MMP24: variants seen among roughly 807,000 people sequenced by gnomAD.
MMP24 encodes the protein matrix metallopeptidase 24.
Under a neutral mutation model 62.8 loss-of-function variants are expected in MMP24, and 25 were observed. The ratio of observed to expected loss-of-function variants is 0.40; its 90% CI spans 0.29 to 0.56. The LOEUF (loss-of-function observed/expected upper bound fraction) is 0.56. MMP24 is among the 20% of genes least tolerant of loss of function. The pLI is 0.50. For synonymous variants in MMP24, 319 were observed against 350.5 expected (o/e 0.91, Z 1.00); for missense variants, 634 against 853.6 (o/e 0.74, Z 3.21).
chr20:35,273,932 G>A (rs984986678), intron 8 of MMP24, among the ~76,000 whole-genome samples: 11 of 152,158 alleles, frequency 7.2e-5, no homozygotes, highest in Admixed American at 1.3e-4. Context: ...CCACATGAGC[G>A]GGGCAAGGGG....
Position 35,252,031 on chromosome 20 carries a change from C to T in MMP24, c.512+10C>T, listed in dbSNP as rs1399359422. Reference sequence around the variant, plus strand: ...AACACATCACCTACAGGTGCTTCGACTCTCCCTCTTCCTCCCTGCCTTTGG... The same window carrying T: ...AACACATCACCTACAGGTGCTTCGATTCTCCCTCTTCCTCCCTGCCTTTGG... On this transcript the variant is annotated intron_variant, in intron 3 of 8. Coordinates refer to ENST00000246186, the MANE Select transcript of MMP24 (RefSeq NM_006690.4). 6.3e-7 allele frequency: 1 copy of T among 1,595,824 alleles called. No homozygotes were observed. The highest frequency in any genetic ancestry group is 1.7e-5 in the Admixed American group (1 of 60,016).
chr20:35,254,403 T>C lies in MMP24; in HGVS notation c.513-47T>C, dbSNP rs747511020. 6 of 1,524,744 alleles carry C rather than the reference T, an allele frequency of 3.9e-6. No individual in the cohort carries two copies. The South Asian group carries it at 6.0e-5, about 15-fold the overall frequency. 94.5% of individuals were successfully genotyped at this position (1,524,744 alleles called of 1,614,324 possible). A position where few individuals can be genotyped will look rare whatever the true frequency, so the allele number is the denominator to read the frequency against. On this transcript the variant is annotated intron_variant, in intron 3 of 8. Coordinates refer to ENST00000246186, the MANE Select transcript of MMP24 (RefSeq NM_006690.4). ...CAGGTATCTATTTTAGCTCTGCTAG[T>C]CTCTGACTCTCTGATCTTGCCTAAT...
At position 35,263,937 on chromosome 20, in the gene MMP24, A is replaced by T; in HGVS notation, c.964A>T (p.Ile322Phe). Reference sequence around the variant, plus strand: ...GCTGCCCCAGGACGATCTCCAGGGCATCCAGAAGATCTATGGTGTGTGGCA... The same window carrying T: ...GCTGCCCCAGGACGATCTCCAGGGCTTCCAGAAGATCTATGGTGTGTGGCA... ...FKLPQDDLQG[I>F]QKIYGPPAEP... The change falls in exon 5 of 9, where the codon ATC becomes TTC. Residue 322 changes from isoleucine to phenylalanine, a missense_variant. This residue lies in a region of MMP24 where 399 missense variants were observed against 530.8 expected (regional missense o/e 0.75). Coordinates refer to ENST00000246186, the MANE Select transcript of MMP24 (RefSeq NM_006690.4). 1 of 1,609,224 alleles carries T rather than the reference A, an allele frequency of 6.2e-7. No individual in the cohort carries two copies. Among genetic ancestry groups the T allele is most frequent in the Non-Finnish European group, 8.5e-7 (1 of 1,177,430 alleles).
chr20:35,233,386 G>A (rs547050296), intron 1 of MMP24, among the ~76,000 whole-genome samples: 1 of 152,236 alleles, frequency 6.6e-6, no homozygotes, highest in Middle Eastern at 3.4e-3. Flanking sequence ...TCCAGCCAAA[G>A]CAAGACTCTG....
At position 35,274,238 on chromosome 20, in the gene MMP24, C is replaced by G. The variant is rs770754047; in HGVS notation, c.1601-34C>G. ...GCCCCAGAGCAGGTGCCGGAAGTGT[C>G]TGGGAGTGGTGATGCTGGGCTGTAT... On this transcript the variant is annotated intron_variant, in intron 8 of 8. Transcript: ENST00000246186. The surrounding 1 kb of genome is among the most constrained non-coding windows in gnomAD (Gnocchi z 5.1). The G allele has an allele frequency of 4.5e-6, 7 of 1,564,328 alleles. No homozygotes were observed. In the East Asian group the frequency reaches 1.3e-4, roughly 30 times the overall value.
In MMP24 at chr20:35,274,568, C is replaced by G. The variant is rs777337235; in HGVS notation, c.1897C>G (p.Pro633Ala). Residue 633 changes from proline to alanine, a missense_variant, in exon 9 of 9, where the codon CCT (proline) becomes GCT (alanine). By Grantham distance (27) the Pro-to-Ala change is conservative (BLOSUM62 -1). Transcript: ENST00000246186. This position sits in a 1 kb window ranked among gnomAD's most constrained non-coding sequence, Gnocchi z 5.1. ...GTTCAAGAACAAGACAGGCCCTCAG[C>G]CTGTCACCTACTATAAGCGGCCAGT... Reference protein sequence around the residue: ...FQFKNKTGPQPVTYYKRPVQE... With the variant: ...FQFKNKTGPQAVTYYKRPVQE... The G allele has an allele frequency of 1.1e-5, 18 of 1,613,808 alleles. No individual in the cohort carries two copies. In the East Asian group the frequency reaches 3.8e-4, roughly 34 times the overall value.
chr20:35,275,529 A>T lies in MMP24; in HGVS notation c.*920A>T, dbSNP rs1443615449. On this transcript the variant is annotated 3_prime_UTR_variant, in exon 9 of 9. Transcript: ENST00000246186. ...TTCTGGAGGAAGATCCGAGTTTGTG[A>T]CCGTCCTCCACTCCCCTCTATTGTC... The T allele has an allele frequency of 6.6e-6, 1 of 152,264 alleles. No homozygotes were observed. The highest frequency in any genetic ancestry group is 1.5e-5 in the Non-Finnish European group (1 of 68,250). The allele number at this position is 152,264 out of a possible 1,614,324, so 9.4% of individuals were successfully genotyped here.
chr20:35,235,792 A>C (rs1354676939), intron 1 of MMP24, among the ~76,000 whole-genome samples: 1 of 152,136 alleles, frequency 6.6e-6, no homozygotes, highest in Admixed American at 6.6e-5. Context: ...CTCACCAAGA[A>C]GTCGAGCCTC....
At chr20:35,256,512 G>A (rs990738583) in intron 4 of MMP24, 2 of 152,032 alleles carry the variant, frequency 1.3e-5, no homozygotes, top group African/African-American at 4.8e-5. Flanking sequence ...CTGAGGTCGG[G>A]AGTTCAAGAC....
At chr20:35,233,408 A>T (rs2060446683) in intron 1 of MMP24, among the ~76,000 whole-genome samples, 1 of 152,178 alleles carries the variant, frequency 6.6e-6, no homozygotes, top group African/African-American at 2.4e-5. Context: ...ATCAAAAATC[A>T]ATCAATGAAT....
chr20:35,274,146 C>T lies in MMP24; in HGVS notation c.1601-126C>T, dbSNP rs959603943. On this transcript the variant is annotated intron_variant, in intron 8 of 8. Coordinates refer to ENST00000246186, the MANE Select transcript of MMP24 (RefSeq NM_006690.4). This position sits in a 1 kb window ranked among gnomAD's most constrained non-coding sequence, Gnocchi z 5.1. ...CTCCATGACTCAGCCAAGCACTGCA[C>T]CCCAAACCTCCAGGTGTGCCCACCT... 3.9e-5 allele frequency: 36 copies of T among 933,558 alleles called. No homozygotes were observed. In the South Asian group the frequency reaches 5.8e-4, roughly 15 times the overall value. The allele number at this position is 933,558 out of a possible 1,614,324, so 57.8% of individuals were successfully genotyped here.
rs185530238 is a variant in MMP24 at position 35,229,819 on chromosome 20, A to G, written c.246+2835A>G. On this transcript the variant is annotated intron_variant, in intron 1 of 8. Transcript: ENST00000246186. ...GACATTGTCACATAGTTACTTCTGC[A>G]CCCCTACCCGTTCATTTGAAACCTT... Among the ~76,000 whole-genome samples the G allele has an allele frequency of 7.2e-4, 109 of 152,016 alleles. 1 individual carries two copies. The Middle Eastern group carries it at 0.014, about 19-fold the overall frequency.
rs1371695852 is a variant in MMP24, at chr20:35,271,866, G to C, written c.1600+31G>C. 3 of 1,588,364 alleles carry C rather than the reference G, an allele frequency of 1.9e-6. No homozygotes were observed. The highest frequency in any genetic ancestry group is 2.6e-6 in the Non-Finnish European group (3 of 1,169,128). On this transcript the variant is annotated intron_variant, in intron 8 of 8. Coordinates refer to ENST00000246186, the MANE Select transcript of MMP24 (RefSeq NM_006690.4). The surrounding 1 kb of genome is among the most constrained non-coding windows in gnomAD (Gnocchi z 4.0). ...TAAGGGCCGGGCCAGGGTGGGCATG[G>C]GGAGCCGGTTTTATGTGGTCCTCAC...
Position 35,246,920 on chromosome 20 carries a change from G to C in MMP24, c.327G>C (p.Ser109=). 6.2e-7 allele frequency: 1 copy of C among 1,614,016 alleles called. No individual in the cohort carries two copies. The highest frequency in any genetic ancestry group is 8.5e-7 in the Non-Finnish European group (1 of 1,179,896). The change falls in exon 2 of 9, where the codon TCG becomes TCC. Residue 109 remains serine (S), a synonymous_variant. Transcript: ENST00000246186. Reference sequence around the variant, plus strand: ...TGCACTCAGCGAAGGCCTTGCAGTCGGCAGTCTCCACTATGCAGCAGTTTT... The same window carrying C: ...TGCACTCAGCGAAGGCCTTGCAGTCCGCAGTCTCCACTATGCAGCAGTTTT... ...SALHSAKALQ[S]AVSTMQQFYG...
chr20:35,265,665 G>C (rs1317371026), intron 5 of MMP24, among the ~76,000 whole-genome samples: 1 of 151,964 alleles, frequency 6.6e-6, no homozygotes, highest in Non-Finnish European at 1.5e-5. Context: ...GATTGCTTGA[G>C]GCCAGGAGTT....
intron 1 of MMP24, among the ~76,000 whole-genome samples, chr20:35,243,473 T>A (rs963847492): frequency 1.3e-5 from 2 of 152,212 alleles, no homozygotes; most frequent in East Asian, 3.8e-4. Context: ...CCTCGCACAG[T>A]GCCTAGCCTG....
Position 35,275,750 on chromosome 20 carries a change from T to G in MMP24, c.*1141T>G, listed in dbSNP as rs1014689283. 5.8e-6 allele frequency: 2 copies of G among 344,860 alleles called. No homozygotes were observed. The highest frequency in any genetic ancestry group is 1.0e-5 in the Non-Finnish European group (2 of 192,476). 21.4% of individuals were successfully genotyped at this position (344,860 alleles called of 1,614,324 possible). ...CAGCTACTCTGAGGCCGACTCAATC[T>G]CTCGGCTGGAAGCAGTGTTTTCCCA... On this transcript the variant is annotated 3_prime_UTR_variant, in exon 9 of 9. Transcript: ENST00000246186.
chr20:35,265,315 G>A lies in MMP24; in HGVS notation c.979+1363G>A, dbSNP rs566398279. On this transcript the variant is annotated intron_variant, in intron 5 of 8. Transcript: ENST00000246186. ...AAATTAGCCTGGCATGGTGGTGCACGCCTATAATCCCAGCTACTTGGGAGG... is the reference window on the plus strand; with the variant it reads ...AAATTAGCCTGGCATGGTGGTGCACACCTATAATCCCAGCTACTTGGGAGG... 3.3e-5 allele frequency among the ~76,000 whole-genome samples: 5 copies of A among 152,082 alleles called. No individual in the cohort carries two copies. The South Asian group carries it at 8.3e-4, about 25-fold the overall frequency.
intron 1 of MMP24, among the ~76,000 whole-genome samples, chr20:35,236,830 C>T (rs1190537648): frequency 1.3e-5 from 2 of 151,868 alleles, no homozygotes; most frequent in South Asian, 2.1e-4. Context: ...AAAAATTAGC[C>T]GGGCATGGTG....
Sources: gnomAD v4.1 joint callset for allele counts (sites outside exome capture counted in the v4.1 genomes callset) on GRCh38, gnomAD v4.1.1 for gene constraint, gnomAD v4.1.1 regional missense constraint, Gnocchi (gnomAD v3.1) non-coding constraint, MANE v1.5 for transcripts, NCBI Gene and HGNC (gene_info 2026-07-23, HGNC 2026-07-21) for gene names.